SINHCAF: variants seen among roughly 807,000 people sequenced by gnomAD.
SINHCAF encodes the protein SIN3-HDAC complex associated factor.
Under a neutral mutation model 25.8 loss-of-function variants are expected in SINHCAF, and 3 were observed. The ratio of observed to expected loss-of-function variants is 0.12; its 90% confidence interval spans 0.05 to 0.30. SINHCAF has a LOEUF of 0.30. SINHCAF is among the 10% of genes least tolerant of loss of function. The pLI, the probability that SINHCAF is intolerant of heterozygous loss-of-function variation, is 1.00. For missense variants in SINHCAF, 121 were observed against 262.3 expected (o/e 0.46, Z 3.72); for synonymous variants, 70 against 85.5 (o/e 0.82, Z 1.00).
intron 1 of SINHCAF, among the ~76,000 whole-genome samples, chr12:31,319,169 C>T (rs1480613129): frequency 3.3e-5 from 5 of 152,186 alleles, no homozygotes; most frequent in Admixed American, 2.6e-4. Flanking sequence ...TGATAGTATA[C>T]ACACCTGATT....
intron 1 of SINHCAF, among the ~76,000 whole-genome samples, chr12:31,314,063 TTCC>T (rs1939396482): frequency 6.6e-6 from 1 of 152,044 alleles, no homozygotes; most frequent in East Asian, 1.9e-4. Flanking sequence ...TCCTGTGGAG[TTCC>T]TGTCCGTCAC....
chr12:31,311,994 C>T, intron 1 of SINHCAF: 1 of 708,382 alleles, frequency 1.4e-6, no homozygotes, highest in Non-Finnish European at 2.4e-6. Flanking sequence ...TTTCAGCTAG[C>T]TGTTTGACAA....
chr12:31,322,764 TC>T (rs774201905), intron 1 of SINHCAF, among the ~76,000 whole-genome samples: 48 of 152,294 alleles, frequency 3.2e-4, no homozygotes, highest in Non-Finnish European at 4.7e-4. Flanking sequence ...CTAGTAATGA[TC>T]ACTTAGATTC....
chr12:31,306,178 A>G (rs1939019310), intron 1 of SINHCAF, among the ~76,000 whole-genome samples: 1 of 152,196 alleles, frequency 6.6e-6, no homozygotes, highest in African/African-American at 2.4e-5. Flanking sequence ...TATCATTACC[A>G]ATACATATTT....
chr12:31,321,599 TG>T (rs1048902226), intron 1 of SINHCAF, among the ~76,000 whole-genome samples: 5 of 152,166 alleles, frequency 3.3e-5, no homozygotes, highest in African/African-American at 1.2e-4. Context: ...ATTTTACAGA[TG>T]AAAAAAACTG....
chr12:31,294,832 G>T (rs951750165), intron 3 of SINHCAF, among the ~76,000 whole-genome samples: 10 of 152,178 alleles, frequency 6.6e-5, no homozygotes, highest in African/African-American at 1.2e-4. Flanking sequence ...TCCACAACTA[G>T]TAAGTGGTAA....
intron 1 of SINHCAF, chr12:31,311,841 C>G (rs1366783866): frequency 4.2e-6 from 2 of 478,902 alleles, no homozygotes; most frequent in Non-Finnish European, 8.3e-6. Flanking sequence ...GGAATGTTGT[C>G]CCAGCGTTGA....
chr12:31,290,163 T>C (rs2137077250), intron 4 of SINHCAF, among the ~76,000 whole-genome samples: 1 of 149,446 alleles, frequency 6.7e-6, no homozygotes, highest in East Asian at 2.1e-4. Flanking sequence ...TTTGTTTGTT[T>C]GTTTAAAACA....
At chr12:31,297,980 T>C in intron 2 of SINHCAF, 97 bp downstream of exon 2, 1 of 1,201,064 alleles carries the variant, frequency 8.3e-7, no homozygotes, top group East Asian at 2.3e-5. Flanking sequence ...TGATTTTTAT[T>C]ATTAGCACAT....
At chr12:31,302,161 T>C (rs1224772986) in intron 1 of SINHCAF, among the ~76,000 whole-genome samples, 1 of 152,048 alleles carries the variant, frequency 6.6e-6, no homozygotes, top group African/African-American at 2.4e-5. Flanking sequence ...AACCATGTGT[T>C]TGGGGAAAGA....
intron 2 of SINHCAF, among the ~76,000 whole-genome samples, chr12:31,297,625 ACCACGC>A (rs1165797529): frequency 6.6e-6 from 1 of 151,492 alleles, no homozygotes; most frequent in East Asian, 1.9e-4. Flanking sequence ...AGTGTGCACC[ACCACGC>A]CCAGCTTATT....
chr12:31,321,300 G>A (rs370249348), intron 1 of SINHCAF, among the ~76,000 whole-genome samples: 2 of 152,136 alleles, frequency 1.3e-5, no homozygotes, highest in East Asian at 1.9e-4. Context: ...CCAGGTTTCC[G>A]CAGGACTTTC....
At chr12:31,304,360 T>C (rs1322868172) in intron 1 of SINHCAF, 1 of 152,196 alleles carries the variant, frequency 6.6e-6, no homozygotes, top group Non-Finnish European at 1.5e-5. Flanking sequence ...AAATGAGACG[T>C]GCTGGCACAA....
Position 31,309,967 on chromosome 12 carries a change from A to G in SINHCAF, c.-20-11743T>C, listed in dbSNP as rs181644884. On this transcript the variant is annotated intron_variant, in intron 1 of 5. Transcript: ENST00000337682. ...CAAGCGTGAGCCACCGTGCCCGGCCAACTTGTGATATATTATGAGGGCATT... is the reference window on the plus strand; with the variant it reads ...CAAGCGTGAGCCACCGTGCCCGGCCGACTTGTGATATATTATGAGGGCATT... 5.6e-3 allele frequency among the ~76,000 whole-genome samples: 852 copies of G among 152,056 alleles called. 12 individuals carry two copies. Among genetic ancestry groups the G allele is most frequent in the African/African-American group, 0.019 (806 of 41,472 alleles).
chr12:31,314,716 A>G (rs185382880), intron 1 of SINHCAF, among the ~76,000 whole-genome samples: 1 of 152,318 alleles, frequency 6.6e-6, no homozygotes, highest in African/African-American at 2.4e-5. Flanking sequence ...TACTTTCAAG[A>G]TACCACTGGA....
At chr12:31,320,192 C>A (rs1363572804) in intron 1 of SINHCAF, among the ~76,000 whole-genome samples, 4 of 152,176 alleles carry the variant, frequency 2.6e-5, no homozygotes, top group Non-Finnish European at 5.9e-5. Context: ...TATCTAAACT[C>A]CTTGGCAAGG....
rs1460535752 is a variant in SINHCAF, at chr12:31,325,213, C to T, written c.-21+811G>A. On this transcript the variant is annotated intron_variant, in intron 1 of 5. Transcript: ENST00000337682. This position sits in a 1 kb window ranked among gnomAD's most constrained non-coding sequence, Gnocchi z 5.9. The stretch of plus-strand genomic sequence containing the variant: ...CGCGGTGTCGCCCACACCTACGCTA[C>T]AGGTGAACGCACCGGGAGCAAAACT... 6 of 456,642 alleles carry T rather than the reference C, an allele frequency of 1.3e-5. No homozygotes were observed. Among genetic ancestry groups the T allele is most frequent in the South Asian group, 1.5e-5 (1 of 64,574 alleles). 28.3% of individuals were successfully genotyped at this position (456,642 alleles called of 1,614,324 possible).
chr12:31,282,943 C>T, intron 5 of SINHCAF, 72 bp from the exon 6 acceptor site: 1 of 1,125,524 alleles, frequency 8.9e-7, no homozygotes, highest in Non-Finnish European at 1.3e-6. Context: ...AATCTACTCA[C>T]TATTATAACT....
intron 1 of SINHCAF, among the ~76,000 whole-genome samples, chr12:31,323,183 C>T (rs75214375): frequency 0.011 from 1,739 of 152,268 alleles, 17 homozygotes; most frequent in East Asian, 0.037. Flanking sequence ...GCATACCTTT[C>T]GCCTAAAAAA....
Sources: allele counts gnomAD v4.1 joint callset (sites outside exome capture counted in the v4.1 genomes callset), GRCh38; gene constraint gnomAD v4.1.1; non-coding constraint Gnocchi (gnomAD v3.1); transcripts MANE v1.5; gene names NCBI Gene and HGNC (gene_info 2026-07-23, HGNC 2026-07-21).